Variants in CDIN1 observed in about 807,000 individuals in gnomAD.
The protein encoded by CDIN1 is CDAN1 interacting nuclease 1, also known as CDAN1-interacting nuclease 1.
Under a neutral mutation model 45.3 loss-of-function variants are expected in CDIN1, and 33 were observed. The ratio of observed to expected loss-of-function variants is 0.73; its 90% CI spans 0.55 to 0.97. The LOEUF is 0.97. CDIN1 is among the 50% of genes least tolerant of loss of function. The pLI, the probability that CDIN1 is intolerant of heterozygous loss-of-function variation, is 0.00. For synonymous variants in CDIN1, 118 were observed against 124.4 expected, an observed-to-expected ratio of 0.95 and a Z score of 0.34; for missense variants, 303 against 339.4, an observed-to-expected ratio of 0.89 and a Z score of 0.84.
intron 5 of CDIN1, among the ~76,000 whole-genome samples, chr15:36,684,499 G>A (rs565981718): frequency 2.2e-4 from 34 of 152,258 alleles, no homozygotes; most frequent in African/African-American, 7.7e-4. Context: ...GAGGATTTTT[G>A]CATCAGTGTT....
intron 10 of CDIN1, chr15:36,755,947 A>C (rs2053599221): frequency 2.4e-6 from 1 of 409,702 alleles, no homozygotes; most frequent in Non-Finnish European, 4.8e-6. Context: ...AAACAGGTTC[A>C]TTCCCTGGTA....
At chr15:36,674,399 C>T (rs1462974762) in intron 5 of CDIN1, among the ~76,000 whole-genome samples, 1 of 152,062 alleles carries the variant, frequency 6.6e-6, no homozygotes, top group East Asian at 1.9e-4. Flanking sequence ...ATATCAGGTC[C>T]TTCATAGAAA....
intron 10 of CDIN1, among the ~76,000 whole-genome samples, chr15:36,801,422 G>A (rs2055041940): frequency 6.6e-6 from 1 of 152,220 alleles, no homozygotes; most frequent in South Asian, 2.1e-4. Context: ...AACATAAGAT[G>A]CATCTGTATA....
intron 1 of CDIN1, among the ~76,000 whole-genome samples, chr15:36,586,044 C>G (rs1355066522): frequency 6.6e-6 from 1 of 152,126 alleles, no homozygotes; most frequent in Admixed American, 6.6e-5. Context: ...AAACTCTGTT[C>G]CAGAAACTGC....
chr15:36,616,457 T>C (rs998895039), intron 1 of CDIN1, among the ~76,000 whole-genome samples: 1 of 152,004 alleles, frequency 6.6e-6, no homozygotes, highest in Non-Finnish European at 1.5e-5. Context: ...TAATTTTGTA[T>C]TTTTAGTAGA....
chr15:36,594,787 C>A, intron 1 of CDIN1: 1 of 434,012 alleles, frequency 2.3e-6, no homozygotes, highest in Non-Finnish European at 3.1e-6. Context: ...GCCTATGTGG[C>A]TATTGGCTAA....
rs572680687 is a variant in CDIN1 at position 36,743,343 on chromosome 15, G to A, written c.716+33382G>A. On this transcript the variant is annotated intron_variant, in intron 10 of 10. Coordinates refer to ENST00000566621, the MANE Select transcript of CDIN1 (RefSeq NM_001321759.2). The stretch of plus-strand genomic sequence containing the variant: ...TAGATAATCTTAGCAAAGTCATAGA[G>A]TAGGGTGCTTAGCCTAAACATAACC... Among the ~76,000 whole-genome samples the A allele has an allele frequency of 4.6e-5, 7 of 152,304 alleles. No homozygotes were observed. In the South Asian group the frequency reaches 1.4e-3, roughly 32 times the overall value.
chr15:36,726,336 T>C (rs963171097), intron 10 of CDIN1, among the ~76,000 whole-genome samples: 3 of 152,176 alleles, frequency 2.0e-5, no homozygotes, highest in African/African-American at 4.8e-5. Context: ...ACCACTCGGC[T>C]TCAGTTCCAA....
intron 5 of CDIN1, among the ~76,000 whole-genome samples, chr15:36,684,919 G>A (rs1368081068): frequency 6.7e-6 from 1 of 149,998 alleles, no homozygotes; most frequent in Admixed American, 6.6e-5. Context: ...TGGGATCGGT[G>A]GTGATATCCC....
intron 4 of CDIN1, among the ~76,000 whole-genome samples, chr15:36,656,838 A>G (rs2040803524): frequency 6.6e-6 from 1 of 152,128 alleles, no homozygotes; most frequent in East Asian, 1.9e-4. Context: ...CTTTTTGTCT[A>G]GTTACTAAAT....
At chr15:36,673,305 C>T (rs76549073) in intron 5 of CDIN1, among the ~76,000 whole-genome samples, 4 of 152,162 alleles carry the variant, frequency 2.6e-5, no homozygotes, top group African/African-American at 7.2e-5. Context: ...AATTTATATG[C>T]TCTGAGATTC....
intron 10 of CDIN1, among the ~76,000 whole-genome samples, chr15:36,724,048 AT>A (rs1002095595): frequency 3.5e-4 from 54 of 152,308 alleles, no homozygotes; most frequent in Middle Eastern, 6.8e-3. Flanking sequence ...AAATGCTAGT[AT>A]TTTATCTCTG....
intron 10 of CDIN1, among the ~76,000 whole-genome samples, chr15:36,731,136 C>T (rs1255583157): frequency 6.6e-6 from 1 of 152,012 alleles, no homozygotes; most frequent in African/African-American, 2.4e-5. Flanking sequence ...AAAATGTTAG[C>T]ACTCTAATAG....
chr15:36,747,151 C>G (rs2044475506), intron 10 of CDIN1: 1 of 393,722 alleles, frequency 2.5e-6, no homozygotes, highest in South Asian at 1.4e-4. Context: ...TTTCAACCAG[C>G]ATGTGTTTCC....
intron 1 of CDIN1, among the ~76,000 whole-genome samples, chr15:36,642,213 C>T (rs767507011): frequency 3.3e-5 from 5 of 152,170 alleles, no homozygotes; most frequent in African/African-American, 4.8e-5. Flanking sequence ...ACTAAAACTA[C>T]TTTCCTGCTC....
At chr15:36,794,275 G>A (rs184011479) in intron 10 of CDIN1, among the ~76,000 whole-genome samples, 1,539 of 152,064 alleles carry the variant, frequency 0.01, 18 homozygotes, top group Non-Finnish European at 0.011. Flanking sequence ...AGCCAGGATG[G>A]TCTCGATCTC....
At chr15:36,774,163 T>TGTGTGTGCGC (rs149222188) in intron 10 of CDIN1, among the ~76,000 whole-genome samples, 10 of 143,152 alleles carry the variant, frequency 7.0e-5, no homozygotes, top group East Asian at 2.1e-4. Context: ...TGTGTGTGTG[T>TGTGTGTGCGC]GCGCGCGCGC....
At chr15:36,633,208 C>T (rs930973019) in intron 1 of CDIN1, among the ~76,000 whole-genome samples, 5 of 152,146 alleles carry the variant, frequency 3.3e-5, no homozygotes, top group African/African-American at 9.7e-5. Flanking sequence ...ATATTTGCTT[C>T]AGGTGCTTTT....
intron 3 of CDIN1, among the ~76,000 whole-genome samples, chr15:36,650,207 T>C (rs1486425737): frequency 3.9e-5 from 6 of 152,184 alleles, no homozygotes; most frequent in Non-Finnish European, 8.8e-5. Flanking sequence ...GCATGTGCAC[T>C]TATGCTCATG....
Sources: gnomAD v4.1 joint callset for allele counts (sites outside exome capture counted in the v4.1 genomes callset) on GRCh38, gnomAD v4.1.1 for gene constraint, MANE v1.5 for transcripts, NCBI Gene and HGNC (gene_info 2026-07-23, HGNC 2026-07-21) for gene names.